DLGAP1: variants seen among roughly 807,000 people sequenced by gnomAD.
DLGAP1 encodes the protein disks large-associated protein 1.
Under a neutral mutation model 90.8 loss-of-function variants are expected in DLGAP1, and 11 were observed. The observed-to-expected ratio is 0.12, with a 90% CI of 0.08 to 0.20. The LOEUF is 0.20. DLGAP1 is among the 10% of genes least tolerant of loss of function. The pLI is 1.00. For synonymous variants in DLGAP1, 558 were observed against 540.7 expected, an observed-to-expected ratio of 1.03 and a Z score of -0.44; for missense variants, 1,050 against 1,333.8, an observed-to-expected ratio of 0.79 and a Z score of 3.31.
At chr18:4,011,125 G>A (rs139493187) in intron 2 of DLGAP1, among the ~76,000 whole-genome samples, 2,696 of 146,744 alleles carry the variant, frequency 0.018, 81 homozygotes, top group African/African-American at 0.058. Flanking sequence ...GTAGTGAGCC[G>A]AGATGGCGTC....
At chr18:4,438,908 T>C (rs1171560600) in intron 1 of DLGAP1, among the ~76,000 whole-genome samples, 1 of 152,196 alleles carries the variant, frequency 6.6e-6, no homozygotes, top group Non-Finnish European at 1.5e-5. Context: ...CCCCTGTCAA[T>C]TGATATATGG....
At chr18:4,317,524 G>A (rs912131758) in intron 1 of DLGAP1, among the ~76,000 whole-genome samples, 1 of 152,184 alleles carries the variant, frequency 6.6e-6, no homozygotes, top group African/African-American at 2.4e-5. Flanking sequence ...TGTTTCTGAA[G>A]TTAGCAGTGA....
rs182511416 is a variant in DLGAP1 at position 3,546,543 on chromosome 18, G to C, written c.2058-11928C>G. Among the ~76,000 whole-genome samples the C allele has an allele frequency of 4.1e-3, 618 of 151,970 alleles. 2 individuals carry two copies. Among genetic ancestry groups the C allele is most frequent in the Middle Eastern group, 0.014 (4 of 294 alleles). ...TTTTCAAGGGTTCAAGAAAAAGTAT[G>C]TTGTCTGACCACAATGGAATTAAAT... On this transcript the variant is annotated intron_variant, in intron 9 of 12. Coordinates refer to ENST00000315677, the MANE Select transcript of DLGAP1 (RefSeq NM_004746.4).
In DLGAP1 at chr18:3,896,363, C is replaced by T. The variant is rs1295751820; in HGVS notation, c.-72-16223G>A. ...CCACCGTCAATCAATGCATCTCCAC[C>T]GTCTTTTAGACATTCTTTTGAAGAA... On this transcript the variant is annotated intron_variant, in intron 3 of 12. Coordinates refer to ENST00000315677, the MANE Select transcript of DLGAP1 (RefSeq NM_004746.4). 3 of 152,142 alleles carry T rather than the reference C, an allele frequency of 2.0e-5. No homozygotes were observed. In the South Asian group the frequency reaches 6.2e-4, roughly 31 times the overall value. 9.4% of individuals were successfully genotyped at this position (152,142 alleles called of 1,614,324 possible).
intron 2 of DLGAP1, among the ~76,000 whole-genome samples, chr18:4,104,152 T>C (rs1207088081): frequency 6.6e-6 from 1 of 152,174 alleles, no homozygotes; most frequent in African/African-American, 2.4e-5. Flanking sequence ...AAATTATTTG[T>C]TTCTTAAAGA....
In DLGAP1 at chr18:3,956,628, G is replaced by A. The variant is rs564597894; in HGVS notation, c.-73+48488C>T. ...CTCCCAAAGTGCTGGGATTATAGAA[G>A]TGAACCACCACGCCCGGCCTATTTT... On this transcript the variant is annotated intron_variant, in intron 3 of 12. Coordinates refer to ENST00000315677, the MANE Select transcript of DLGAP1 (RefSeq NM_004746.4). Among the ~76,000 whole-genome samples the A allele has an allele frequency of 1.6e-4, 25 of 151,902 alleles. No homozygotes were observed. The East Asian group carries it at 2.9e-3, about 18-fold the overall frequency.
chr18:4,190,865 A>C (rs1229858635), intron 1 of DLGAP1, among the ~76,000 whole-genome samples: 1 of 152,130 alleles, frequency 6.6e-6, no homozygotes, highest in Non-Finnish European at 1.5e-5. Flanking sequence ...TAAAGTTTTA[A>C]ATATTTTTCC....
chr18:3,602,552 G>A (rs536168426), intron 7 of DLGAP1, among the ~76,000 whole-genome samples: 14 of 130,328 alleles, frequency 1.1e-4, no homozygotes, highest in East Asian at 4.6e-4. Flanking sequence ...CCGAGATCGC[G>A]CCACCGCACT....
intron 4 of DLGAP1, among the ~76,000 whole-genome samples, chr18:3,831,825 T>C (rs1416627528): frequency 6.6e-6 from 1 of 152,170 alleles, no homozygotes; most frequent in South Asian, 2.1e-4. Flanking sequence ...TCTCCCTATA[T>C]CAACATGTAG....
rs898441697 is a variant in DLGAP1, at chr18:3,977,853, T to C, written c.-73+27263A>G. 59 of 393,764 alleles carry C rather than the reference T, an allele frequency of 1.5e-4. No individual in the cohort carries two copies. The Admixed American group carries it at 1.8e-3, about 12-fold the overall frequency. The allele number at this position is 393,764 out of a possible 1,614,324, so 24.4% of individuals were successfully genotyped here. A position where few individuals can be genotyped will look rare whatever the true frequency, so the allele number is the denominator to read the frequency against. The stretch of plus-strand genomic sequence containing the variant: ...CCAGGATGCCCTCAAGGGTCCCCTC[T>C]GATGCCTGCTTCACCACCTTCCTGA... On this transcript the variant is annotated intron_variant, in intron 3 of 12. Transcript: ENST00000315677.
chr18:4,199,760 G>A (rs531722896), intron 1 of DLGAP1, among the ~76,000 whole-genome samples: 1 of 152,276 alleles, frequency 6.6e-6, no homozygotes, highest in South Asian at 2.1e-4. Context: ...AATTCTTAGA[G>A]GCAGTTTTCC....
intron 7 of DLGAP1, among the ~76,000 whole-genome samples, chr18:3,686,058 TC>T (rs1042581370): frequency 6.6e-6 from 1 of 152,056 alleles, no homozygotes; most frequent in Non-Finnish European, 1.5e-5. Flanking sequence ...GTGCCTGTAA[TC>T]CCAGCTACTT....
chr18:4,368,205 ACTGT>A (rs2081822496), intron 1 of DLGAP1, among the ~76,000 whole-genome samples: 1 of 152,166 alleles, frequency 6.6e-6, no homozygotes, highest in South Asian at 2.1e-4. Context: ...ACAAGTCTAT[ACTGT>A]CTAACTGCCG....
At chr18:4,261,594 T>C (rs1041295019) in intron 1 of DLGAP1, among the ~76,000 whole-genome samples, 7 of 152,144 alleles carry the variant, frequency 4.6e-5, no homozygotes, top group Non-Finnish European at 7.3e-5. Context: ...CTCTGTCCCA[T>C]CCAATGCCCC....
At chr18:3,600,901 T>G (rs1176950078) in intron 7 of DLGAP1, among the ~76,000 whole-genome samples, 16 of 91,622 alleles carry the variant, frequency 1.7e-4, no homozygotes, top group African/African-American at 2.5e-4. Context: ...TAGATATATA[T>G]AGATATATAG....
At chr18:4,080,949 C>T (rs1008520614) in intron 2 of DLGAP1, among the ~76,000 whole-genome samples, 7 of 150,260 alleles carry the variant, frequency 4.7e-5, no homozygotes, top group South Asian at 2.1e-4. Context: ...AGTGCAATGG[C>T]GCAATCTTGG....
chr18:3,951,215 G>A (rs1330895248), intron 3 of DLGAP1, among the ~76,000 whole-genome samples: 5 of 152,182 alleles, frequency 3.3e-5, no homozygotes, highest in African/African-American at 9.6e-5. Flanking sequence ...AAGTTAAAAC[G>A]TGACAGTGGT....
chr18:3,552,222 C>T (rs1241286084), intron 9 of DLGAP1, among the ~76,000 whole-genome samples: 1 of 152,052 alleles, frequency 6.6e-6, no homozygotes, highest in African/African-American at 2.4e-5. Context: ...CTCACCTTTC[C>T]TCTCTTTTCT....
At chr18:3,659,452 G>GCCC (rs61628003) in intron 7 of DLGAP1, among the ~76,000 whole-genome samples, 1 of 57,946 alleles carries the variant, frequency 1.7e-5, no homozygotes. Context: ...ACCACCCCCC[G>GCCC]CCGCCCCCAC....
Sources: allele counts gnomAD v4.1 joint callset (sites outside exome capture counted in the v4.1 genomes callset), GRCh38; gene constraint gnomAD v4.1.1; transcripts MANE v1.5; gene names NCBI Gene and HGNC (gene_info 2026-07-23, HGNC 2026-07-21).